MYOM1: variants seen among roughly 807,000 people sequenced by gnomAD.
MYOM1 encodes the protein myomesin-1.
MYOM1 carries 164 observed loss-of-function variants against 205.3 expected under a neutral mutation model. That is an observed-to-expected ratio of 0.80 (90% CI 0.70 to 0.91). The LOEUF is 0.91. Ranked by LOEUF, MYOM1 falls within the 40% of genes least tolerant of loss-of-function variation. The pLI, the probability that MYOM1 is intolerant of heterozygous loss-of-function variation, is 0.00. For missense variants in MYOM1, 2,011 were observed against 2,127.3 expected (o/e 0.95, Z 1.08); for synonymous variants, 772 against 789.4 (o/e 0.98, Z 0.37).
rs543651873 is a variant in MYOM1 at position 3,200,143 on chromosome 18, T to C, written c.291-6185A>G. Among the ~76,000 whole-genome samples the C allele has an allele frequency of 4.9e-4, 75 of 152,190 alleles. 2 individuals carry two copies. The South Asian group carries it at 0.015, about 29-fold the overall frequency. ...GAGATCACACCACTGCACTCCAGAC[T>C]GGGCAACAGAGTGAGACTCCAGCTG... On this transcript the variant is annotated intron_variant, in intron 2 of 37. Coordinates refer to ENST00000356443, the MANE Select transcript of MYOM1 (RefSeq NM_003803.4).
intron 19 of MYOM1, 80 bp from the exon 20 acceptor site, chr18:3,120,075 T>G: frequency 6.7e-7 from 1 of 1,493,320 alleles, no homozygotes; most frequent in East Asian, 2.5e-5. Flanking sequence ...TTTTATTTAT[T>G]TACCTTCCAT....
Position 3,189,876 on chromosome 18 carries a change from G to C in MYOM1, c.432-789C>G, listed in dbSNP as rs1035612860. On this transcript the variant is annotated intron_variant, in intron 3 of 37. Transcript: ENST00000356443. This position sits in a 1 kb window ranked among gnomAD's most constrained non-coding sequence, Gnocchi z 4.8. ...ATACATGAGTAGGAGCTTGATCTGGGTTCTGTCACTTTGCTGATGTAATGC... is the reference window on the plus strand; with the variant it reads ...ATACATGAGTAGGAGCTTGATCTGGCTTCTGTCACTTTGCTGATGTAATGC... Among the ~76,000 whole-genome samples the C allele has an allele frequency of 6.6e-6, 1 of 152,090 alleles. No individual in the cohort carries two copies. Among genetic ancestry groups the C allele is most frequent in the Admixed American group, 6.5e-5 (1 of 15,268 alleles).
chr18:3,073,038 C>T (rs8086045), intron 36 of MYOM1, among the ~76,000 whole-genome samples: 46,840 of 145,210 alleles, frequency 0.32, 7,624 homozygotes, highest in African/African-American at 0.38. Flanking sequence ...GTCTTGAACT[C>T]CTGGGCTCCA....
chr18:3,198,750 T>A (rs1397653004), intron 2 of MYOM1, among the ~76,000 whole-genome samples: 1 of 147,454 alleles, frequency 6.8e-6, no homozygotes, highest in East Asian at 2.0e-4. Flanking sequence ...ACCACTGCCC[T>A]CCAGCCTGGG....
chr18:3,100,159 T>C lies in MYOM1; in HGVS notation c.3727A>G (p.Thr1243Ala), dbSNP rs2079357512. The change falls in exon 25 of 38, where the codon ACT becomes GCT. Residue 1243 changes from threonine to alanine, a missense_variant and splice_region_variant. By Grantham distance (58) the Thr-to-Ala change is moderately conservative. Coordinates refer to ENST00000356443, the MANE Select transcript of MYOM1 (RefSeq NM_003803.4). ...LALSHEHKFP[T>A]VPVKSELAVE... ...CTGTGAATGTATTGTGGATACTTAC[T>C]TGGGAACTTGTGTTCATGGCTGAGA... 1 of 1,613,762 alleles carries C rather than the reference T, an allele frequency of 6.2e-7. No homozygotes were observed. Among genetic ancestry groups the C allele is most frequent in the African/African-American group, 1.3e-5 (1 of 74,936 alleles).
chr18:3,067,653 G>C, intron 37 of MYOM1, 98 bp from the exon 38 acceptor site: 1 of 1,350,800 alleles, frequency 7.4e-7, no homozygotes, highest in South Asian at 1.4e-5. Flanking sequence ...TGACCAAAGG[G>C]AGGATAAGTA....
intron 22 of MYOM1, among the ~76,000 whole-genome samples, chr18:3,109,292 C>T (rs1312660464): frequency 6.6e-6 from 1 of 152,100 alleles, no homozygotes; most frequent in African/African-American, 2.4e-5. Flanking sequence ...CAAATTTTCT[C>T]TTTAGAATAT....
chr18:3,225,049 G>A, the MYOM1 span, among the ~76,000 whole-genome samples: 3 of 151,728 alleles, frequency 2.0e-5, no homozygotes, highest in East Asian at 1.9e-4. Context: ...GCGCAGTGGC[G>A]CCATCTCAGC....
intron 31 of MYOM1, 78 bp from the exon 32 acceptor site, chr18:3,084,105 CA>C (rs1417473296): frequency 7.6e-6 from 11 of 1,453,716 alleles, no homozygotes; most frequent in Admixed American, 2.0e-5. Flanking sequence ...TCTTAGCTCT[CA>C]AAAATTCCCT....
In MYOM1 at chr18:3,072,370, T is replaced by TTTTTTTTTTTG. The variant is rs768555182; in HGVS notation, c.4709-482_4709-481insCAAAAAAAAAA. Among the ~76,000 whole-genome samples, 280 of 115,944 alleles carry TTTTTTTTTTTG rather than the reference T, an allele frequency of 2.4e-3. 2 individuals are homozygous for TTTTTTTTTTTG. The highest frequency in any genetic ancestry group is 3.3e-3 in the Non-Finnish European group (188 of 56,542). The allele number at this position is 115,944 out of a possible 152,430, so 76.1% of individuals were successfully genotyped here. A position where few individuals can be genotyped will look rare whatever the true frequency, so the allele number is the denominator to read the frequency against. ...CCCGGCTTTTTTTTTTTTTTTTTTT[T>TTTTTTTTTTTG]TGAGGCAGAGTCTCGCTCTGTCACC... is the stretch of plus-strand genomic sequence containing the variant. On this transcript the variant is annotated intron_variant, in intron 36 of 37. Coordinates refer to ENST00000356443, the MANE Select transcript of MYOM1 (RefSeq NM_003803.4).
At chr18:3,238,658 A>G in the MYOM1 span, among the ~76,000 whole-genome samples, 7 of 152,190 alleles carry the variant, frequency 4.6e-5, no homozygotes, top group Admixed American at 2.6e-4. Flanking sequence ...TTAGTGGCTT[A>G]AAACAACACA....
intron 29 of MYOM1, among the ~76,000 whole-genome samples, chr18:3,086,966 G>A (rs770679477): frequency 2.0e-5 from 3 of 152,104 alleles, no homozygotes; most frequent in Non-Finnish European, 4.4e-5. Context: ...CTCATTATAC[G>A]TGACAATATA....
chr18:3,188,953 T>C lies in MYOM1; in HGVS notation c.566A>G (p.Gln189Arg), dbSNP rs373424159. ...TTSKQSTASK[Q>R]TTASKQSTAS... ...CGTGGACTGCTTAGATGCCGTGGTCTGCTTGGATGCCGTGGACTGTTTAGA... is the reference window on the plus strand; with the variant it reads ...CGTGGACTGCTTAGATGCCGTGGTCCGCTTGGATGCCGTGGACTGTTTAGA... The change falls in exon 4 of 38, where the codon CAG becomes CGG. Residue 189 changes from glutamine (Q) to arginine (R), a missense_variant. Coordinates refer to ENST00000356443, the MANE Select transcript of MYOM1 (RefSeq NM_003803.4). The C allele has an allele frequency of 6.2e-7, 1 of 1,600,780 alleles. No individual in the cohort carries two copies. Among genetic ancestry groups the C allele is most frequent in the Admixed American group, 1.7e-5 (1 of 59,786 alleles).
chr18:3,150,568 C>A (rs187277379), intron 12 of MYOM1, among the ~76,000 whole-genome samples: 120 of 152,174 alleles, frequency 7.9e-4, no homozygotes, highest in Middle Eastern at 3.4e-3. Flanking sequence ...GAACAGAACA[C>A]CCCTAGCCAC....
chr18:3,085,063 G>A lies in MYOM1; in HGVS notation c.4321C>T (p.Leu1441=), dbSNP rs1031844544. The A allele has an allele frequency of 1.2e-6, 2 of 1,606,948 alleles. No individual in the cohort carries two copies. The highest frequency in any genetic ancestry group is 1.7e-6 in the Non-Finnish European group (2 of 1,176,604). ...KDDRGKDKSR[L]KLVDEAFKEL... ...GACTGACCTTCATCCACAAGCTTCA[G>A]TCTGCTCTTATCTTTTCCTCGGTCA... Residue 1441 remains leucine, a synonymous_variant, in exon 31 of 38, where the codon CTG becomes TTG. Transcript: ENST00000356443.
At chr18:3,117,113 T>A (rs1010766913) in intron 20 of MYOM1, among the ~76,000 whole-genome samples, 1 of 152,186 alleles carries the variant, frequency 6.6e-6, no homozygotes, top group Non-Finnish European at 1.5e-5. Context: ...TGCCTCAGCC[T>A]CCCAAAGTGT....
At chr18:3,181,633 G>A (rs1241399220) in intron 5 of MYOM1, among the ~76,000 whole-genome samples, 2 of 151,468 alleles carry the variant, frequency 1.3e-5, no homozygotes, top group Non-Finnish European at 1.5e-5. Context: ...CTCTGCCTTT[G>A]TAACTATTTT....
At chr18:3,187,022 G>T (rs938103158) in intron 5 of MYOM1, among the ~76,000 whole-genome samples, 1 of 152,102 alleles carries the variant, frequency 6.6e-6, no homozygotes, top group Non-Finnish European at 1.5e-5. Flanking sequence ...GCACATTGAG[G>T]CCTCAGCTCA....
At chr18:3,143,457 A>G (rs1166454981) in intron 13 of MYOM1, among the ~76,000 whole-genome samples, 9 of 152,230 alleles carry the variant, frequency 5.9e-5, no homozygotes, top group Non-Finnish European at 1.3e-4. Context: ...TAAAAATGTG[A>G]GTCAATAAAG....
Sources: allele counts gnomAD v4.1 joint callset (sites outside exome capture counted in the v4.1 genomes callset), GRCh38; gene constraint gnomAD v4.1.1; non-coding constraint Gnocchi (gnomAD v3.1); transcripts MANE v1.5; gene names NCBI Gene and HGNC (gene_info 2026-07-23, HGNC 2026-07-21).